Variants in SEMA6D observed in about 807,000 individuals in gnomAD.
The protein encoded by SEMA6D is semaphorin 6D.
SEMA6D carries 35 observed loss-of-function variants against 106.6 expected under a neutral mutation model. The observed-to-expected ratio is 0.33, with a 90% confidence interval of 0.25 to 0.44. The LOEUF (loss-of-function observed/expected upper bound fraction) is 0.44, where lower values mean the gene tolerates loss of function less well. SEMA6D is among the 20% of genes least tolerant of loss of function. The pLI is 1.00. For missense variants in SEMA6D, 1,185 were observed against 1,345.9 expected (o/e 0.88, Z 1.87); for synonymous variants, 499 against 487.7 (o/e 1.02, Z -0.31).
At chr15:47,230,952 T>G (rs1373586342) in intron 1 of SEMA6D, among the ~76,000 whole-genome samples, 1 of 151,980 alleles carries the variant, frequency 6.6e-6, no homozygotes, top group Non-Finnish European at 1.5e-5. Flanking sequence ...TAGTGAGACT[T>G]TAACAGGCCT....
chr15:47,544,950 T>A (rs940112545), intron 3 of SEMA6D, among the ~76,000 whole-genome samples: 2 of 152,170 alleles, frequency 1.3e-5, no homozygotes. Flanking sequence ...GATAACTATA[T>A]GAAAATTTCT....
At chr15:47,408,790 T>C (rs908508704) in intron 1 of SEMA6D, among the ~76,000 whole-genome samples, 1 of 152,216 alleles carries the variant, frequency 6.6e-6, no homozygotes, top group African/African-American at 2.4e-5. Flanking sequence ...CTCCCAGAAC[T>C]ATGTTTGTAA....
chr15:47,462,724 T>C (rs1190558287), intron 2 of SEMA6D, among the ~76,000 whole-genome samples: 1 of 152,150 alleles, frequency 6.6e-6, no homozygotes, highest in African/African-American at 2.4e-5. Flanking sequence ...GATTACTCTG[T>C]TCACAATGAA....
intron 3 of SEMA6D, among the ~76,000 whole-genome samples, chr15:47,505,483 G>GCCCTCCAT (rs2044009127): frequency 2.6e-5 from 4 of 152,146 alleles, no homozygotes; most frequent in Non-Finnish European, 5.9e-5. Context: ...AAGAACATTT[G>GCCCTCCAT]GGGACAATAT....
chr15:47,644,302 A>G (rs142361767), intron 4 of SEMA6D, among the ~76,000 whole-genome samples: 14 of 152,366 alleles, frequency 9.2e-5, no homozygotes, highest in African/African-American at 3.4e-4. Context: ...TGCATACACA[A>G]TTGCACAGTT....
At chr15:47,493,116 A>G (rs1028176884) in intron 3 of SEMA6D, among the ~76,000 whole-genome samples, 1 of 152,290 alleles carries the variant, frequency 6.6e-6, no homozygotes, top group Middle Eastern at 3.4e-3. Flanking sequence ...GACCACAACA[A>G]TTAGATTCTC....
chr15:47,550,626 C>T lies in SEMA6D; in HGVS notation c.-86-50239C>T, dbSNP rs1013051782. On this transcript the variant is annotated intron_variant, in intron 3 of 19. Coordinates refer to the SEMA6D transcript ENST00000558014. ...GTCTAAGCTTCTTTTCCCCACCTAC[C>T]CATCCATCCATGTGGACTCAGTTCT... Among the ~76,000 whole-genome samples the T allele has an allele frequency of 3.3e-5, 5 of 152,232 alleles. No individual in the cohort carries two copies. In the East Asian group the frequency reaches 9.7e-4, roughly 29 times the overall value.
chr15:47,613,135 G>T (rs996895662), intron 4 of SEMA6D, among the ~76,000 whole-genome samples: 14 of 152,110 alleles, frequency 9.2e-5, no homozygotes, highest in African/African-American at 3.4e-4. Context: ...CTAAATAACT[G>T]TTTGCAATCA....
chr15:47,321,996 G>A (rs902612393), intron 1 of SEMA6D, among the ~76,000 whole-genome samples: 7 of 152,002 alleles, frequency 4.6e-5, no homozygotes, highest in African/African-American at 7.2e-5. Context: ...TGATATTTAG[G>A]GTAAGTCTAT....
At chr15:47,569,983 C>A (rs920442776) in intron 3 of SEMA6D, among the ~76,000 whole-genome samples, 1 of 151,672 alleles carries the variant, frequency 6.6e-6, no homozygotes, top group African/African-American at 2.4e-5. Context: ...ATTGCTTGAA[C>A]CTGGGAGGCA....
chr15:47,295,609 T>A (rs1439130209), intron 1 of SEMA6D, among the ~76,000 whole-genome samples: 1 of 152,208 alleles, frequency 6.6e-6, no homozygotes, highest in East Asian at 1.9e-4. Flanking sequence ...GAAGTGGAGA[T>A]CTTTAAAGCA....
intron 1 of SEMA6D, among the ~76,000 whole-genome samples, chr15:47,398,728 T>C (rs1248925865): frequency 6.6e-6 from 1 of 152,190 alleles, no homozygotes; most frequent in Non-Finnish European, 1.5e-5. Flanking sequence ...CCACAATCAC[T>C]CCTTTGTCCT....
At chr15:47,233,245 G>C (rs1304245592) in intron 1 of SEMA6D, among the ~76,000 whole-genome samples, 2 of 151,966 alleles carry the variant, frequency 1.3e-5, no homozygotes, top group Non-Finnish European at 2.9e-5. Flanking sequence ...TTGAGAATCA[G>C]TTGATCATAG....
At chr15:47,354,520 T>TTA (rs58476338) in intron 1 of SEMA6D, among the ~76,000 whole-genome samples, 18,715 of 147,972 alleles carry the variant, frequency 0.13, 1,378 homozygotes, top group East Asian at 0.35. Context: ...TGGATATTAT[T>TTA]TATATATATA....
intron 1 of SEMA6D, among the ~76,000 whole-genome samples, chr15:47,234,641 C>T (rs1286736945): frequency 6.6e-6 from 1 of 151,992 alleles, no homozygotes; most frequent in African/African-American, 2.4e-5. Context: ...GAATAATGGC[C>T]TCCAGCTCCA....
chr15:47,672,180 G>C (rs376571213), intron 4 of SEMA6D, among the ~76,000 whole-genome samples: 2 of 152,236 alleles, frequency 1.3e-5, no homozygotes, highest in East Asian at 3.9e-4. Context: ...GAGGTCTCAC[G>C]CAGAGCCAGT....
intron 4 of SEMA6D, among the ~76,000 whole-genome samples, chr15:47,693,044 G>A (rs752759526): frequency 7.2e-5 from 11 of 152,072 alleles, no homozygotes; most frequent in Non-Finnish European, 1.3e-4. Context: ...AAACTTATAG[G>A]CTGTAGTTCT....
chr15:47,225,149 C>T (rs1190126160), intron 1 of SEMA6D, among the ~76,000 whole-genome samples: 1 of 151,852 alleles, frequency 6.6e-6, no homozygotes, highest in Non-Finnish European at 1.5e-5. Context: ...GAAGAAGGTA[C>T]AAAGCTATTT....
chr15:47,471,985 AAG>A (rs1294465405), intron 3 of SEMA6D, among the ~76,000 whole-genome samples: 2 of 143,912 alleles, frequency 1.4e-5, no homozygotes, highest in African/African-American at 2.5e-5. Context: ...GAAAAAGAGA[AAG>A]AGAGAGAGGG....
Sources: allele counts gnomAD v4.1 joint callset (sites outside exome capture counted in the v4.1 genomes callset), GRCh38; gene constraint gnomAD v4.1.1; transcripts MANE v1.5; gene names NCBI Gene and HGNC (gene_info 2026-07-23, HGNC 2026-07-21).